The following RIF1 variants were observed in gnomAD, a reference collection of about 807,000 sequenced individuals.
The protein encoded by RIF1 is telomere-associated protein RIF1.
A neutral mutation model predicts 247.1 loss-of-function variants in RIF1; 45 were observed. The observed-to-expected ratio is 0.18, with a 90% CI of 0.14 to 0.23. The LOEUF (loss-of-function observed/expected upper bound fraction) is 0.23. Ranked by LOEUF, RIF1 falls within the 10% of genes least tolerant of loss-of-function variation. RIF1 has a pLI of 1.00. For synonymous variants in RIF1, 1,087 were observed against 978.8 expected, an observed-to-expected ratio of 1.11 and a Z score of -2.06; for missense variants, 2,967 against 2,862.5, an observed-to-expected ratio of 1.04 and a Z score of -0.83.
At chr2:151,417,589 T>C (rs1355966145) in intron 6 of RIF1, among the ~76,000 whole-genome samples, 1 of 152,188 alleles carries the variant, frequency 6.6e-6, no homozygotes, top group Non-Finnish European at 1.5e-5. Flanking sequence ...GTATTGAACA[T>C]GTACAGACTC....
chr2:151,467,612 G>A (rs1303999190), intron 30 of RIF1, among the ~76,000 whole-genome samples: 1 of 152,096 alleles, frequency 6.6e-6, no homozygotes, highest in African/African-American at 2.4e-5. Context: ...CAAAGTGCTG[G>A]GATTACAGGT....
intron 3 of RIF1, among the ~76,000 whole-genome samples, chr2:151,414,367 T>C (rs748613903): frequency 4.6e-5 from 7 of 152,212 alleles, no homozygotes; most frequent in Non-Finnish European, 8.8e-5. Context: ...TATTTTACTA[T>C]TAATTGAGAT....
At chr2:151,433,731 AGGCAT>A (rs1690612496) in intron 10 of RIF1, among the ~76,000 whole-genome samples, 1 of 152,120 alleles carries the variant, frequency 6.6e-6, no homozygotes, top group African/African-American at 2.4e-5. Flanking sequence ...CTGGGATTAC[AGGCAT>A]GAGCCACCGC....
the RIF1 span, chr2:151,516,610 T>TAGAC: frequency 8.1e-7 from 1 of 1,227,266 alleles, no homozygotes; most frequent in Non-Finnish European, 1.2e-6. Context: ...GGTCAATTCC[T>TAGAC]AGACAGCAGT....
rs758108800 is a variant in RIF1 at position 151,430,217 on chromosome 2, T to C, written c.925+1295T>C. On this transcript the variant is annotated intron_variant, in intron 9 of 35. Transcript: ENST00000444746. ...TTTGTATTTTTAGTAGAGACGGGGT[T>C]TCACCGTGTTAGCCAGGATGGTCTT... is the stretch of plus-strand genomic sequence containing the variant. Among the ~76,000 whole-genome samples, 64 of 152,022 alleles carry C rather than the reference T, an allele frequency of 4.2e-4. 2 individuals carry two copies. The highest frequency in any genetic ancestry group is 1.3e-4 in the Non-Finnish European group (9 of 68,000).
intron 12 of RIF1, among the ~76,000 whole-genome samples, chr2:151,505,773 T>C (rs1473163255): frequency 1.3e-5 from 2 of 152,152 alleles, no homozygotes; most frequent in African/African-American, 2.4e-5. Context: ...GCTTTGTCTC[T>C]CTCTCGTCTC....
In RIF1 at chr2:151,410,523, A is replaced by C; in HGVS notation, c.100A>C (p.Thr34Pro). The C allele has an allele frequency of 3.1e-6, 5 of 1,612,336 alleles. No homozygotes were observed. The highest frequency in any genetic ancestry group is 4.2e-6 in the Non-Finnish European group (5 of 1,178,604). Residue 34 changes from threonine to proline, a missense_variant, in exon 2 of 36, where the codon ACC becomes CCC. Transcript: ENST00000444746. ...GGQTDAYLTL[T>P]SRMTGEEGKE... ...GCAGACTGACGCTTACCTGACTCTG[A>C]CCAGGTGAGGTCCGCCACGGGGCGT... is the stretch of plus-strand genomic sequence containing the variant.
the RIF1 span, among the ~76,000 whole-genome samples, chr2:151,520,808 G>A: frequency 6.6e-6 from 1 of 152,190 alleles, no homozygotes; most frequent in Admixed American, 6.5e-5. Context: ...AGGCTGCAGT[G>A]AGTCAGGATC....
At chr2:151,493,944 A>AATGTT (rs1333587375) in intron 9 of RIF1, 13 of 1,110,378 alleles carry the variant, frequency 1.2e-5, no homozygotes, top group Non-Finnish European at 1.5e-5. Flanking sequence ...GTTGGGGGGA[A>AATGTT]ATGTTATGTT....
chr2:151,496,730 G>C (rs1050375862), intron 10 of RIF1, among the ~76,000 whole-genome samples: 6 of 152,016 alleles, frequency 3.9e-5, no homozygotes, highest in Non-Finnish European at 7.4e-5. Flanking sequence ...AAAAATGATT[G>C]AAAATATCAG....
At chr2:151,490,652 C>T in intron 9 of RIF1, 1 of 1,078,640 alleles carries the variant, frequency 9.3e-7, no homozygotes, top group Non-Finnish European at 1.3e-6. Context: ...GGGTCAAACC[C>T]TCACAGTTAT....
At chr2:151,442,767 ATTTTTT>A (rs59128582) in intron 16 of RIF1, among the ~76,000 whole-genome samples, 3,318 of 104,024 alleles carry the variant, frequency 0.032, 50 homozygotes, top group African/African-American at 0.056. Context: ...AAAGAGCTTG[ATTTTTT>A]TTTTTTTTTT....
In RIF1 at chr2:151,410,522, G is replaced by A; in HGVS notation, c.99G>A (p.Leu33=). The part of the protein sequence containing the change: ...HGGQTDAYLT[L]TSRMTGEEGK... ...GGCAGACTGACGCTTACCTGACTCTGACCAGGTGAGGTCCGCCACGGGGCG... is the reference window on the plus strand; with the variant it reads ...GGCAGACTGACGCTTACCTGACTCTAACCAGGTGAGGTCCGCCACGGGGCG... The change falls in exon 2 of 36, where the codon CTG becomes CTA. Residue 33 remains leucine (L), a synonymous_variant. Coordinates refer to ENST00000444746, the MANE Select transcript of RIF1 (RefSeq NM_018151.5). 6 of 1,612,650 alleles carry A rather than the reference G, an allele frequency of 3.7e-6. No individual in the cohort carries two copies. In the South Asian group the frequency reaches 6.6e-5, roughly 18 times the overall value.
In RIF1 at chr2:151,463,011, A is replaced by C; in HGVS notation, c.3491A>C (p.Glu1164Ala). 6.2e-7 allele frequency: 1 copy of C among 1,614,012 alleles called. No homozygotes were observed. Among genetic ancestry groups the C allele is most frequent in the Non-Finnish European group, 8.5e-7 (1 of 1,179,890 alleles). ...GGTTCTCTTGACAAAACCAGTCCAG[A>C]AATGTCAAACAGTAATAATGATGAA... Reference protein sequence around the residue: ...ECGSLDKTSPEMSNSNNDERK... With the variant: ...ECGSLDKTSPAMSNSNNDERK... Residue 1164 changes from glutamate to alanine, a missense_variant, in exon 30 of 36, where the codon GAA becomes GCA. Around this residue, in one of 7 missense-constraint regions of RIF1, gnomAD observed 2,028 missense variants for 1,825.6 expected, o/e 1.11. Coordinates refer to ENST00000444746, the MANE Select transcript of RIF1 (RefSeq NM_018151.5).
At position 151,478,435 on chromosome 2, in the gene RIF1, G is replaced by A. The variant is rs953071892; in HGVS notation, c.*3364G>A. ...TTTTAGGCGGAGGTTGCAGTGAGCC[G>A]AGATCATGCCATTGCGCGACAGAGC... is the stretch of plus-strand genomic sequence containing the variant. On this transcript the variant is annotated 3_prime_UTR_variant, in exon 36 of 36. Coordinates refer to ENST00000444746, the MANE Select transcript of RIF1 (RefSeq NM_018151.5). 3.3e-5 allele frequency: 5 copies of A among 150,082 alleles called. No individual in the cohort carries two copies. Among genetic ancestry groups the A allele is most frequent in the African/African-American group, 7.4e-5 (3 of 40,670 alleles). 9.3% of individuals were successfully genotyped at this position (150,082 alleles called of 1,614,324 possible). A position where few individuals can be genotyped will look rare whatever the true frequency, so the allele number is the denominator to read the frequency against.
At chr2:151,427,511 T>TATTTTTTTATTA (rs966190716) in intron 8 of RIF1, among the ~76,000 whole-genome samples, 1 of 146,584 alleles carries the variant, frequency 6.8e-6, no homozygotes, top group African/African-American at 2.5e-5. Flanking sequence ...GTGCCTGGCC[T>TATTTTTTTATTA]ATTTTTTTTT....
intron 13 of RIF1, chr2:151,507,109 CT>C: frequency 1.3e-6 from 1 of 777,200 alleles, no homozygotes; most frequent in Non-Finnish European, 2.1e-6. Flanking sequence ...AATCCTGTAT[CT>C]TTAAAAAAAA....
At chr2:151,494,155 CAA>C (rs1358362064) in intron 9 of RIF1, 1 of 1,597,904 alleles carries the variant, frequency 6.3e-7, no homozygotes, top group Admixed American at 1.7e-5. Flanking sequence ...TTTCTCAAGA[CAA>C]TACCGAGCTA....
At chr2:151,445,151 C>CATATGCAA (rs1485209171) in intron 18 of RIF1, among the ~76,000 whole-genome samples, 187 bp from the exon 19 acceptor site, 1 of 152,200 alleles carries the variant, frequency 6.6e-6, no homozygotes, top group Admixed American at 6.5e-5. Flanking sequence ...CTCATCTGAA[C>CATATGCAA]ATATGCAAAG....
Sources: gnomAD v4.1 joint callset for allele counts (sites outside exome capture counted in the v4.1 genomes callset) on GRCh38, gnomAD v4.1.1 for gene constraint, gnomAD v4.1.1 regional missense constraint, MANE v1.5 for transcripts, NCBI Gene and HGNC (gene_info 2026-07-23, HGNC 2026-07-21) for gene names.